Variants in GRIN2B observed in about 807,000 individuals in gnomAD.
The protein encoded by GRIN2B is glutamate receptor ionotropic, NMDA 2B.
A neutral mutation model predicts 114.5 loss-of-function variants in GRIN2B; 5 were observed. That is an observed-to-expected ratio of 0.04 (90% confidence interval 0.02 to 0.09). The LOEUF (loss-of-function observed/expected upper bound fraction) is 0.09, where lower values mean the gene tolerates loss of function less well. GRIN2B is among the 10% of genes least tolerant of loss of function. The probability of loss-of-function intolerance (pLI) is 1.00; values close to 1 mark genes in which losing one functional copy is unlikely to be tolerated. For synonymous variants in GRIN2B, 787 were observed against 745.1 expected, an observed-to-expected ratio of 1.06 and a Z score of -0.92; for missense variants, 1,108 against 1,943.5, an observed-to-expected ratio of 0.57 and a Z score of 8.08.
intron 3 of GRIN2B, among the ~76,000 whole-genome samples, chr12:13,843,268 C>T (rs1458695279): frequency 6.6e-6 from 1 of 151,744 alleles, no homozygotes; most frequent in African/African-American, 2.4e-5. Context: ...CACACAAATA[C>T]TCACTTTCCA....
intron 5 of GRIN2B, 64 bp from the exon 6 acceptor site, chr12:13,616,721 AG>A (rs1168504235): frequency 7.6e-7 from 1 of 1,315,658 alleles, no homozygotes; most frequent in East Asian, 2.3e-5. Flanking sequence ...AGCCTGTCCC[AG>A]TATTGTCTGA....
intron 10 of GRIN2B, among the ~76,000 whole-genome samples, chr12:13,591,609 G>A (rs1949009905): frequency 6.6e-6 from 1 of 152,136 alleles, no homozygotes; most frequent in Non-Finnish European, 1.5e-5. Flanking sequence ...GATGGCAAAT[G>A]AGTCAAAGAA....
chr12:13,692,760 CTTTTTTTTTTTTTTTTTTTTT>C (rs71067718), intron 4 of GRIN2B, among the ~76,000 whole-genome samples: 2 of 52,132 alleles, frequency 3.8e-5, no homozygotes, highest in Non-Finnish European at 7.3e-5. Context: ...TCTTTCTTTT[CTTTTTTTTTTTTTTTTTTTTT>C]TTTTGAGGCA....
chr12:13,837,333 G>A (rs1423593363), intron 3 of GRIN2B, among the ~76,000 whole-genome samples: 1 of 152,152 alleles, frequency 6.6e-6, no homozygotes, highest in Non-Finnish European at 1.5e-5. Context: ...TGCATGTCCT[G>A]GCCCAAACCA....
chr12:13,811,589 T>A (rs1396254251), intron 3 of GRIN2B, among the ~76,000 whole-genome samples: 6 of 152,112 alleles, frequency 3.9e-5, no homozygotes, highest in Non-Finnish European at 7.4e-5. Context: ...TTTAAATAAA[T>A]AAATATGGTC....
At chr12:13,719,991 G>C (rs1950492370) in intron 4 of GRIN2B, among the ~76,000 whole-genome samples, 2 of 151,972 alleles carry the variant, frequency 1.3e-5, no homozygotes, top group Non-Finnish European at 2.9e-5. Context: ...CCAAACCATG[G>C]GACCTGTGCA....
intron 2 of GRIN2B, among the ~76,000 whole-genome samples, chr12:13,939,543 C>CTTTTTTT (rs59671145): frequency 2.3e-5 from 2 of 88,044 alleles, no homozygotes; most frequent in Non-Finnish European, 4.0e-5. Flanking sequence ...CTGCACCGTG[C>CTTTTTTT]TTTTTTTTTT....
At chr12:13,958,147 T>G (rs1040315010) in intron 2 of GRIN2B, among the ~76,000 whole-genome samples, 2 of 152,192 alleles carry the variant, frequency 1.3e-5, no homozygotes, top group African/African-American at 4.8e-5. Context: ...GTAGTGTTTG[T>G]GATAAAGTGA....
intron 4 of GRIN2B, among the ~76,000 whole-genome samples, chr12:13,731,262 C>T (rs1863082485): frequency 6.6e-6 from 1 of 152,178 alleles, no homozygotes. Flanking sequence ...CTGTGAAAAG[C>T]AAGTTCCCAC....
At chr12:13,727,576 C>A (rs1343979852) in intron 4 of GRIN2B, among the ~76,000 whole-genome samples, 1 of 152,146 alleles carries the variant, frequency 6.6e-6, no homozygotes, top group Non-Finnish European at 1.5e-5. Flanking sequence ...AGGGGACCTG[C>A]AAATTGTAAG....
chr12:13,813,272 A>G (rs956826933), intron 3 of GRIN2B, among the ~76,000 whole-genome samples: 2 of 152,268 alleles, frequency 1.3e-5, no homozygotes, highest in African/African-American at 4.8e-5. Flanking sequence ...CAAAAAAAGT[A>G]AAGACCAAGC....
chr12:13,571,594 A>G (rs1004712845), intron 11 of GRIN2B, among the ~76,000 whole-genome samples: 3 of 152,276 alleles, frequency 2.0e-5, no homozygotes, highest in Non-Finnish European at 4.4e-5. Context: ...ATTTGTAAAA[A>G]AAATACATAG....
chr12:13,747,629 G>C (rs1863410526), intron 4 of GRIN2B, among the ~76,000 whole-genome samples: 1 of 152,244 alleles, frequency 6.6e-6, no homozygotes, highest in Non-Finnish European at 1.5e-5. Flanking sequence ...AGACTCTGGT[G>C]CACTTCTTTA....
intron 2 of GRIN2B, among the ~76,000 whole-genome samples, chr12:13,895,667 A>G (rs182101922): frequency 6.6e-6 from 1 of 152,346 alleles, no homozygotes; most frequent in Non-Finnish European, 1.5e-5. Flanking sequence ...TTCTTGTACA[A>G]CATTAGGCTA....
intron 10 of GRIN2B, among the ~76,000 whole-genome samples, chr12:13,605,779 G>A (rs1455450696): frequency 6.6e-6 from 1 of 152,138 alleles, no homozygotes; most frequent in African/African-American, 2.4e-5. Context: ...ACATTCAGTT[G>A]TTACTGCGTG....
intron 5 of GRIN2B, among the ~76,000 whole-genome samples, chr12:13,659,025 C>T (rs1949894686): frequency 6.6e-6 from 1 of 152,178 alleles, no homozygotes; most frequent in Non-Finnish European, 1.5e-5. Context: ...CCCTCTCCTT[C>T]TGTTCTCGTT....
At chr12:13,720,012 AG>A (rs1199175219) in intron 4 of GRIN2B, among the ~76,000 whole-genome samples, 5 of 152,168 alleles carry the variant, frequency 3.3e-5, no homozygotes, top group Middle Eastern at 3.4e-3. Flanking sequence ...AGGCTGGGAA[AG>A]GTTGGCCCCA....
intron 3 of GRIN2B, among the ~76,000 whole-genome samples, chr12:13,794,338 C>T (rs1463404437): frequency 6.6e-6 from 1 of 152,154 alleles, no homozygotes; most frequent in African/African-American, 2.4e-5. Flanking sequence ...GTCAGAACCA[C>T]CTCCATTCCT....
intron 2 of GRIN2B, among the ~76,000 whole-genome samples, chr12:13,962,087 CAT>C (rs968788463): frequency 5.5e-5 from 6 of 108,710 alleles, no homozygotes; most frequent in South Asian, 3.6e-4. Context: ...CTCTCTCATA[CAT>C]ACACACACAC....
Sources: gnomAD v4.1 joint callset for allele counts (sites outside exome capture counted in the v4.1 genomes callset) on GRCh38, gnomAD v4.1.1 for gene constraint, MANE v1.5 for transcripts, NCBI Gene and HGNC (gene_info 2026-07-23, HGNC 2026-07-21) for gene names.